ZC3H3: variants seen among roughly 807,000 people sequenced by gnomAD.
ZC3H3 encodes zinc finger CCCH-type containing 3.
ZC3H3 carries 36 observed loss-of-function variants against 77.3 expected under a neutral mutation model. The observed-to-expected ratio is 0.47, with a 90% confidence interval of 0.36 to 0.61. The LOEUF (loss-of-function observed/expected upper bound fraction) is 0.61. Among genes scored for constraint, ZC3H3 ranks in the 20% least tolerant of loss-of-function variants. ZC3H3 has a pLI of 0.00. For synonymous variants in ZC3H3, 626 were observed against 555.2 expected (o/e 1.13, Z -1.79); for missense variants, 1,331 against 1,312.2 (o/e 1.01, Z -0.22).
chr8:143,516,967 C>G (rs926605030), intron 3 of ZC3H3, among the ~76,000 whole-genome samples: 4 of 152,214 alleles, frequency 2.6e-5, no homozygotes, highest in Non-Finnish European at 5.9e-5. Flanking sequence ...CCCTGTCCCC[C>G]CCGTGTGGGA....
chr8:143,482,374 G>A (rs868458495), intron 4 of ZC3H3, among the ~76,000 whole-genome samples: 54 of 152,332 alleles, frequency 3.5e-4, no homozygotes, highest in African/African-American at 1.2e-3. Flanking sequence ...CTGGCCCTGC[G>A]GATGTGCCGG....
At chr8:143,463,741 C>T (rs546937522) in intron 9 of ZC3H3, among the ~76,000 whole-genome samples, 13 of 152,322 alleles carry the variant, frequency 8.5e-5, no homozygotes, top group African/African-American at 3.1e-4. Flanking sequence ...GAGGACTCTG[C>T]GTCTCCGGGT....
At position 143,437,751 on chromosome 8, in the gene ZC3H3, G is replaced by C. The variant is rs1278760851; in HGVS notation, c.*305C>G. 1 of 465,038 alleles carries C rather than the reference G, an allele frequency of 2.2e-6. No individual in the cohort carries two copies. Among genetic ancestry groups the C allele is most frequent in the African/African-American group, 2.0e-5 (1 of 51,122 alleles). 28.8% of individuals were successfully genotyped at this position (465,038 alleles called of 1,614,324 possible). Reference sequence around the variant, plus strand: ...ACTGGGCCGAAAACCTGGGTGGGGAGGGCTGGGGGCTGCAGGGCCACTGTT... The same window carrying C: ...ACTGGGCCGAAAACCTGGGTGGGGACGGCTGGGGGCTGCAGGGCCACTGTT... On this transcript the variant is annotated 3_prime_UTR_variant, in exon 12 of 12. Coordinates refer to ENST00000262577, the MANE Select transcript of ZC3H3 (RefSeq NM_015117.3).
At chr8:143,474,446 G>T (rs1820668278) in intron 5 of ZC3H3, among the ~76,000 whole-genome samples, 1 of 152,236 alleles carries the variant, frequency 6.6e-6, no homozygotes, top group Non-Finnish European at 1.5e-5. Context: ...CAGGTGCCAG[G>T]GCCCCCGTGC....
chr8:143,506,605 AATCT>A (rs1307085640), intron 4 of ZC3H3, among the ~76,000 whole-genome samples: 5 of 152,238 alleles, frequency 3.3e-5, no homozygotes, highest in Non-Finnish European at 5.9e-5. Flanking sequence ...GATGCTTATA[AATCT>A]ATTTAAAACA....
chr8:143,472,729 C>T (rs1028406316), intron 5 of ZC3H3, among the ~76,000 whole-genome samples: 7 of 152,232 alleles, frequency 4.6e-5, no homozygotes, highest in South Asian at 4.1e-4. Context: ...AGGGCTGAGA[C>T]GACCCAAGGG....
chr8:143,441,179 G>A (rs1372280766), intron 9 of ZC3H3, 59 bp from the exon 10 acceptor site: 27 of 1,350,240 alleles, frequency 2.0e-5, no homozygotes, highest in Middle Eastern at 2.2e-4. Context: ...GCTGCACGGG[G>A]AAGGCAAGGA....
At chr8:143,512,062 G>A (rs922335920) in intron 3 of ZC3H3, among the ~76,000 whole-genome samples, 1 of 152,254 alleles carries the variant, frequency 6.6e-6, no homozygotes, top group Non-Finnish European at 1.5e-5. Context: ...CATGTTCCCG[G>A]GAGAAGTGAC....
chr8:143,446,330 A>C (rs1280564412), intron 9 of ZC3H3, among the ~76,000 whole-genome samples: 2 of 152,274 alleles, frequency 1.3e-5, no homozygotes, highest in African/African-American at 2.4e-5. Context: ...GTTAAAATCA[A>C]GAACTTCTGA....
chr8:143,440,931 A>G lies in ZC3H3; in HGVS notation c.2492+5T>C. On this transcript the variant is annotated splice_donor_5th_base_variant and intron_variant, in intron 10 of 11. Transcript: ENST00000262577. ...TCACATGCACAGTGCCCACTGCCCC[A>G]TCACCTGGGCCCGTGGCTGGCCGAG... 7.0e-7 allele frequency: 1 copy of G among 1,421,770 alleles called. No individual in the cohort carries two copies. The highest frequency in any genetic ancestry group is 9.2e-7 in the Non-Finnish European group (1 of 1,092,218). The allele number at this position is 1,421,770 out of a possible 1,614,324, so 88.1% of individuals were successfully genotyped here.
chr8:143,466,914 A>G (rs1820424396), intron 8 of ZC3H3, among the ~76,000 whole-genome samples: 1 of 152,092 alleles, frequency 6.6e-6, no homozygotes, highest in Non-Finnish European at 1.5e-5. Flanking sequence ...AGAGGCTTTA[A>G]AAAGTCACTT....
At chr8:143,450,241 A>G (rs4874125) in intron 9 of ZC3H3, among the ~76,000 whole-genome samples, 95,514 of 152,078 alleles carry the variant, frequency 0.63, 30,276 homozygotes, top group Middle Eastern at 0.66. Context: ...GAGTGCAGTC[A>G]CACAATCTCA....
chr8:143,516,954 C>G (rs972612071), intron 3 of ZC3H3, among the ~76,000 whole-genome samples: 4 of 152,216 alleles, frequency 2.6e-5, no homozygotes, highest in African/African-American at 9.6e-5. Flanking sequence ...CCGCTGTCAG[C>G]CGCCCTGTCC....
At chr8:143,448,255 A>G (rs1819907386) in intron 9 of ZC3H3, among the ~76,000 whole-genome samples, 1 of 151,758 alleles carries the variant, frequency 6.6e-6, no homozygotes. Flanking sequence ...GCGGTGAGCC[A>G]AGATAGCACC....
intron 11 of ZC3H3, among the ~76,000 whole-genome samples, chr8:143,439,428 T>C (rs1586865966): frequency 6.6e-6 from 1 of 152,290 alleles, no homozygotes; most frequent in East Asian, 1.9e-4. Context: ...TTATCGTCAC[T>C]CAAACGCGCG....
intron 3 of ZC3H3, among the ~76,000 whole-genome samples, chr8:143,534,491 T>C (rs1017995773): frequency 5.9e-5 from 9 of 151,984 alleles, no homozygotes; most frequent in Non-Finnish European, 1.2e-4. Context: ...TGCCCCACTC[T>C]ACTAGAGGCC....
In ZC3H3 at chr8:143,440,235, G is replaced by A. The variant is rs1257549426; in HGVS notation, c.2621C>T (p.Ser874Phe). 6 of 1,603,036 alleles carry A rather than the reference G, an allele frequency of 3.7e-6. No homozygotes were observed. In the Middle Eastern group the frequency reaches 7.2e-4, roughly 192 times the overall value. The change falls in exon 11 of 12, where the codon TCC (serine) becomes TTC (phenylalanine). Residue 874 changes from serine (S) to phenylalanine (F), a missense_variant. Physicochemically the swap from Ser to Phe is radical, Grantham distance 155. Around this residue, in one of 3 missense-constraint regions of ZC3H3, gnomAD observed 249 missense variants for 236.9 expected, o/e 1.05. Transcript: ENST00000262577. ...SASPSSSKAS[S>F]SSSSSSSPPA... is the part of the protein sequence containing the mutation. ...AGGGGATGAGGAGGAGGAGGAGGAG[G>A]AGGAAGCCTTCGAGGATGAGGGAGA... is the stretch of plus-strand genomic sequence containing the variant.
chr8:143,531,771 T>C (rs978587970), intron 3 of ZC3H3, among the ~76,000 whole-genome samples: 6 of 152,226 alleles, frequency 3.9e-5, no homozygotes, highest in African/African-American at 9.7e-5. Flanking sequence ...ATATACTCTG[T>C]TCTTGGTGAT....
chr8:143,438,227 T>C, intron 11 of ZC3H3, 140 bp from the exon 12 acceptor site: 1 of 1,122,234 alleles, frequency 8.9e-7, no homozygotes, highest in South Asian at 1.4e-5. Context: ...GATACCCTCC[T>C]GAGTTCGAGG....
Sources: gnomAD v4.1 joint callset for allele counts (sites outside exome capture counted in the v4.1 genomes callset) on GRCh38, gnomAD v4.1.1 for gene constraint, gnomAD v4.1.1 regional missense constraint, MANE v1.5 for transcripts, NCBI Gene and HGNC (gene_info 2026-07-23, HGNC 2026-07-21) for gene names.